Variants in EVC2 observed in about 807,000 individuals in gnomAD.
EVC2 encodes EvC ciliary complex subunit 2.
A neutral mutation model predicts 149.3 loss-of-function variants in EVC2; 148 were observed. The observed-to-expected ratio is 0.99, with a 90% CI of 0.87 to 1.14. The LOEUF (loss-of-function observed/expected upper bound fraction) is 1.14. EVC2 is among the 50% of genes most tolerant of loss of function. EVC2 has a pLI of 0.00. For synonymous variants in EVC2, 776 were observed against 649.9 expected (o/e 1.19, Z -2.95); for missense variants, 1,854 against 1,627.3 (o/e 1.14, Z -2.40).
At position 5,628,747 on chromosome 4, in the gene EVC2, A is replaced by G; in HGVS notation, c.1711-13T>C. 1 of 1,611,208 alleles carries G rather than the reference A, an allele frequency of 6.2e-7. No homozygotes were observed. The highest frequency in any genetic ancestry group is 8.5e-7 in the Non-Finnish European group (1 of 1,179,144). On this transcript the variant is annotated splice_polypyrimidine_tract_variant and intron_variant, in intron 11 of 21. Transcript: ENST00000344408. ...CTTCTACATTCTCCTGTCAATTAAA[A>G]AAAAAAACAAGAAAATATGCCTAAT... is the stretch of plus-strand genomic sequence containing the variant.
intron 16 of EVC2, among the ~76,000 whole-genome samples, chr4:5,601,235 A>T (rs1392826769): frequency 2.0e-5 from 3 of 152,154 alleles, no homozygotes; most frequent in Non-Finnish European, 2.9e-5. Flanking sequence ...ATGACCACAT[A>T]CCTGGGAAAG....
downstream of EVC2, among the ~76,000 whole-genome samples, chr4:5,560,887 G>C (rs1721931062): frequency 6.6e-6 from 1 of 152,158 alleles, no homozygotes; most frequent in African/African-American, 2.4e-5. The surrounding 1 kb of genome is among the most constrained non-coding windows in gnomAD (Gnocchi z 4.1). Flanking sequence ...TGGTCTATCT[G>C]ATTCCAGAAA....
Position 5,622,967 on chromosome 4 carries a change from CCTGCTCCCTACG to C in EVC2, c.2059_2070del (p.Arg687_Gln690del). 4 of 1,614,102 alleles carry C rather than the reference CCTGCTCCCTACG, an allele frequency of 2.5e-6. No individual in the cohort carries two copies. Among genetic ancestry groups the C allele is most frequent in the Non-Finnish European group, 3.4e-6 (4 of 1,180,002 alleles). On this transcript the variant is annotated inframe_deletion, in exon 14 of 22. Coordinates refer to ENST00000344408, the MANE Select transcript of EVC2 (RefSeq NM_147127.5). The surrounding 1 kb of genome is among the most constrained non-coding windows in gnomAD (Gnocchi z 5.8). ...GTTCGGAAGGCCTCGCCGACGGACG[CCTGCTCCCTACG>C]CTGCTCCCTGTGCTGGAGTTTCAGA...
At chr4:5,555,316 G>C (rs1268582187) in intron 21 of EVC2, among the ~76,000 whole-genome samples, 1 of 152,072 alleles carries the variant, frequency 6.6e-6, no homozygotes, top group Non-Finnish European at 1.5e-5. Context: ...ATACTAATAA[G>C]CACTTAAAAT....
Position 5,640,472 on chromosome 4 carries a change from A to C in EVC2, c.1470+42T>G. On this transcript the variant is annotated intron_variant, in intron 10 of 21. Coordinates refer to ENST00000344408, the MANE Select transcript of EVC2 (RefSeq NM_147127.5). The surrounding 1 kb of genome is among the most constrained non-coding windows in gnomAD (Gnocchi z 4.6). ...TAGATGGATAAATGACAAATCCCTG[A>C]GAGAAAGGGAAGTGAACGCCTTCCT... 2 of 1,608,276 alleles carry C rather than the reference A, an allele frequency of 1.2e-6. No individual in the cohort carries two copies. Among genetic ancestry groups the C allele is most frequent in the Non-Finnish European group, 1.7e-6 (2 of 1,174,724 alleles).
chr4:5,706,321 C>CTTAGATAG lies in EVC2; in HGVS notation c.228+1964_228+1965insCTATCTAA, dbSNP rs1722132097. Among the ~76,000 whole-genome samples, 30 of 26,556 alleles carry CTTAGATAG rather than the reference C, an allele frequency of 1.1e-3. 3 individuals are homozygous for CTTAGATAG. The highest frequency in any genetic ancestry group is 4.8e-3 in the African/African-American group (30 of 6,302). 17.4% of individuals were successfully genotyped at this position (26,556 alleles called of 152,430 possible). ...AGATAGATACATAGATAGATAGATA[C>CTTAGATAG]ATAGATAGATAGATAGATACATAGA... On this transcript the variant is annotated intron_variant, in intron 1 of 21. Transcript: ENST00000344408.
intron 1 of EVC2, among the ~76,000 whole-genome samples, chr4:5,701,513 T>C (rs1266030053): frequency 1.3e-5 from 2 of 152,190 alleles, no homozygotes; most frequent in African/African-American, 4.8e-5. Context: ...GGCCACACGT[T>C]GTCCGGCCTC....
intron 21 of EVC2, among the ~76,000 whole-genome samples, chr4:5,544,276 G>A (rs1721571298): frequency 6.6e-6 from 1 of 151,818 alleles, no homozygotes; most frequent in African/African-American, 2.4e-5. Flanking sequence ...AGAAAATTCT[G>A]TTTTCACAAC....
intron 16 of EVC2, among the ~76,000 whole-genome samples, chr4:5,589,427 C>G (rs6815463): frequency 2.0e-5 from 3 of 152,168 alleles, no homozygotes; most frequent in African/African-American, 7.2e-5. Context: ...GCGCAGGTCT[C>G]AGCAGAATAC....
At chr4:5,650,713 T>A (rs748265282) in intron 9 of EVC2, among the ~76,000 whole-genome samples, 39 of 143,116 alleles carry the variant, frequency 2.7e-4, no homozygotes, top group Non-Finnish European at 4.4e-4. Context: ...GGTAGGTGAT[T>A]AACATCTCTC....
intron 19 of EVC2, 41 bp from the exon 20 acceptor site, chr4:5,568,681 C>A: frequency 1.3e-6 from 2 of 1,578,494 alleles, no homozygotes; most frequent in South Asian, 1.1e-5. Flanking sequence ...CTCGCCGCCT[C>A]TCAACTTGAA....
At chr4:5,554,662 G>C (rs1721799740) in intron 21 of EVC2, among the ~76,000 whole-genome samples, 1 of 152,226 alleles carries the variant, frequency 6.6e-6, no homozygotes. Flanking sequence ...TGAGGGAAGT[G>C]AGGAGAAGCT....
At chr4:5,561,910 C>T (rs1477803990), downstream of EVC2, among the ~76,000 whole-genome samples, 1 of 152,098 alleles carries the variant, frequency 6.6e-6, no homozygotes, top group Non-Finnish European at 1.5e-5. Flanking sequence ...GACTCTCATC[C>T]TAATCATCCC....
At chr4:5,664,880 C>T (rs539758055) in intron 8 of EVC2, among the ~76,000 whole-genome samples, 2 of 151,410 alleles carry the variant, frequency 1.3e-5, no homozygotes, top group African/African-American at 4.9e-5. Flanking sequence ...TAATGGGCTG[C>T]GTGTGGGTGA....
intron 16 of EVC2, among the ~76,000 whole-genome samples, chr4:5,592,932 T>C (rs568822231): frequency 3.5e-4 from 54 of 152,304 alleles, no homozygotes; most frequent in African/African-American, 1.1e-3. Context: ...CCACCTGTCA[T>C]AGGAGGTAAC....
At chr4:5,565,437 G>A (rs1355904205) in intron 20 of EVC2, 78 bp from the exon 21 acceptor site, 1 of 1,339,728 alleles carries the variant, frequency 7.5e-7, no homozygotes, top group Non-Finnish European at 1.1e-6. Context: ...TTGGAAGGCA[G>A]AGGCGGGCAG....
chr4:5,699,813 A>G (rs1288394403), intron 1 of EVC2, among the ~76,000 whole-genome samples: 1 of 151,768 alleles, frequency 6.6e-6, no homozygotes, highest in Non-Finnish European at 1.5e-5. Flanking sequence ...ACGAAGTGAG[A>G]CCCTCTCTGA....
intron 3 of EVC2, among the ~76,000 whole-genome samples, chr4:5,692,694 C>T (rs1322044663): frequency 1.3e-5 from 2 of 150,686 alleles, no homozygotes; most frequent in African/African-American, 4.9e-5. Flanking sequence ...GGTGAAACCC[C>T]GTCTCTACTA....
At chr4:5,539,200 T>C (rs1230515130), downstream of EVC2, among the ~76,000 whole-genome samples, 1 of 152,226 alleles carries the variant, frequency 6.6e-6, no homozygotes, top group Admixed American at 6.5e-5. Context: ...TGATTACTAG[T>C]AGTATTCCAA....
Sources: allele counts gnomAD v4.1 joint callset (sites outside exome capture counted in the v4.1 genomes callset), GRCh38; gene constraint gnomAD v4.1.1; non-coding constraint Gnocchi (gnomAD v3.1); transcripts MANE v1.5; gene names NCBI Gene and HGNC (gene_info 2026-07-23, HGNC 2026-07-21).